Variants in SLC3A1 observed in about 807,000 individuals in gnomAD.
SLC3A1 encodes amino acid transporter heavy chain SLC3A1.
In SLC3A1, 78 loss-of-function variants were observed where a neutral mutation model predicts 60.3. That is an observed-to-expected ratio of 1.29 (90% CI 1.08 to 1.56). The LOEUF (loss-of-function observed/expected upper bound fraction) is 1.56, where lower values mean the gene tolerates loss of function less well. Ranked by LOEUF, SLC3A1 falls within the 40% of genes most tolerant of loss-of-function variation. The pLI is 0.00. For synonymous variants in SLC3A1, 392 were observed against 307.9 expected (o/e 1.27, Z -2.86); for missense variants, 1,172 against 858.9 (o/e 1.36, Z -4.56).
chr2:44,279,003 ATTT>A (rs111937406), intron 1 of SLC3A1, among the ~76,000 whole-genome samples: 2 of 145,004 alleles, frequency 1.4e-5, no homozygotes. Context: ...TATATTTATT[ATTT>A]TTTTTTTTTT....
chr2:44,312,807 T>A (rs779154966), intron 8 of SLC3A1, 54 bp downstream of exon 8: 3 of 1,505,516 alleles, frequency 2.0e-6, no homozygotes, highest in African/African-American at 1.4e-5. Flanking sequence ...AAGTATTCAT[T>A]TTTTATTTTT....
intron 1 of SLC3A1, among the ~76,000 whole-genome samples, chr2:44,279,456 T>C (rs1483986773): frequency 2.0e-5 from 3 of 152,154 alleles, no homozygotes; most frequent in Non-Finnish European, 4.4e-5. Context: ...CCCCTGGGGG[T>C]CAAGGGCCAA....
intron 7 of SLC3A1, among the ~76,000 whole-genome samples, chr2:44,309,861 G>C (rs1385248747): frequency 1.3e-5 from 2 of 152,150 alleles, no homozygotes; most frequent in South Asian, 2.1e-4. Context: ...GCCTCCCAAA[G>C]TGCTGGGATT....
intron 9 of SLC3A1, chr2:44,318,015 C>A: frequency 5.4e-6 from 2 of 369,298 alleles, no homozygotes; most frequent in Non-Finnish European, 1.1e-5. Flanking sequence ...ATGAAGTTAT[C>A]TTTTGACCTA....
At chr2:44,276,299 T>G (rs1161527779) in intron 1 of SLC3A1, among the ~76,000 whole-genome samples, 3 of 152,202 alleles carry the variant, frequency 2.0e-5, no homozygotes, top group Non-Finnish European at 4.4e-5. Context: ...TTCTGGGGAC[T>G]TTATAGTTGA....
intron 4 of SLC3A1, among the ~76,000 whole-genome samples, chr2:44,292,676 A>T (rs541966587): frequency 6.6e-6 from 1 of 152,232 alleles, no homozygotes; most frequent in East Asian, 1.9e-4. Context: ...AGCTAAGTGA[A>T]GAGGCATGGG....
At chr2:44,310,086 G>T (rs982853064) in intron 7 of SLC3A1, among the ~76,000 whole-genome samples, 8 of 152,038 alleles carry the variant, frequency 5.3e-5, no homozygotes, top group Non-Finnish European at 1.2e-4. Flanking sequence ...TGGAGATGGG[G>T]TTTTGCCATG....
Position 44,320,560 on chromosome 2 carries a change from C to G in SLC3A1, c.1979C>G (p.Thr660Arg), listed in dbSNP as rs199949010. Residue 660 changes from threonine (T) to arginine (R), a missense_variant, in exon 10 of 10, where the codon ACA (threonine) becomes AGA (arginine). Thr to Arg is a moderately conservative substitution (Grantham distance 71). Coordinates refer to ENST00000260649, the MANE Select transcript of SLC3A1 (RefSeq NM_000341.4). ...ACGAAGAATCTCCTTCATCGCCAAACAGCTTTCAGAGATAGATGCTTTGTT... is the reference window on the plus strand; with the variant it reads ...ACGAAGAATCTCCTTCATCGCCAAAGAGCTTTCAGAGATAGATGCTTTGTT... ...HNTKNLLHRQ[T>R]AFRDRCFVSN... The G allele has an allele frequency of 1.4e-5, 22 of 1,614,060 alleles. No homozygotes were observed. In the African/African-American group the frequency reaches 1.7e-4, roughly 13 times the overall value.
chr2:44,302,160 A>G (rs1423872952), intron 6 of SLC3A1, among the ~76,000 whole-genome samples: 1 of 152,200 alleles, frequency 6.6e-6, no homozygotes, highest in Non-Finnish European at 1.5e-5. Flanking sequence ...TGTTTCAGCT[A>G]AAGTATCAGG....
At chr2:44,290,066 T>C (rs1438451174) in intron 4 of SLC3A1, among the ~76,000 whole-genome samples, 2 of 152,110 alleles carry the variant, frequency 1.3e-5, no homozygotes, top group African/African-American at 4.8e-5. Context: ...CATTTTAGAT[T>C]GTCTGTGATC....
intron 1 of SLC3A1, 127 bp downstream of exon 1, chr2:44,276,092 A>C (rs141130486): frequency 1.2e-6 from 1 of 827,612 alleles, no homozygotes; most frequent in Non-Finnish European, 2.0e-6. Flanking sequence ...GGTCATGCCA[A>C]GTTGCTCCTT....
Position 44,320,848 on chromosome 2 carries a change from C to T in SLC3A1, c.*209C>T. The stretch of plus-strand genomic sequence containing the variant: ...AATTATGGCTTATAGGAGCTTATAA[C>T]TTTATTCAGATAGCATCAATCAGGG... On this transcript the variant is annotated 3_prime_UTR_variant, in exon 10 of 10. Transcript: ENST00000260649. The T allele has an allele frequency of 1.7e-6, 1 of 579,994 alleles. No individual in the cohort carries two copies. The highest frequency in any genetic ancestry group is 3.1e-6 in the Non-Finnish European group (1 of 327,178). 35.9% of individuals were successfully genotyped at this position (579,994 alleles called of 1,614,324 possible). A position where few individuals can be genotyped will look rare whatever the true frequency, so the allele number is the denominator to read the frequency against.
chr2:44,275,732 C>A lies in SLC3A1; in HGVS notation c.197C>A (p.Ala66Glu), dbSNP rs773065474. 1 of 1,614,202 alleles carries A rather than the reference C, an allele frequency of 6.2e-7. No individual in the cohort carries two copies. The highest frequency in any genetic ancestry group is 1.1e-5 in the South Asian group (1 of 91,090). ...GACTTCAAGGGCGTCCAGCCCTATGCGGGGATGCCCAAGGAGGTGCTGTTC... is the reference window on the plus strand; with the variant it reads ...GACTTCAAGGGCGTCCAGCCCTATGAGGGGATGCCCAAGGAGGTGCTGTTC... ...EPDFKGVQPY[A>E]GMPKEVLFQF... The change falls in exon 1 of 10, where the codon GCG (alanine) becomes GAG (glutamate). Residue 66 changes from alanine (A) to glutamate (E), a missense_variant. By Grantham distance (107) the Ala-to-Glu change is moderately radical (BLOSUM62 -1). Coordinates refer to ENST00000260649, the MANE Select transcript of SLC3A1 (RefSeq NM_000341.4).
At chr2:44,304,849 G>A (rs1017929284) in intron 7 of SLC3A1, among the ~76,000 whole-genome samples, 4 of 138,118 alleles carry the variant, frequency 2.9e-5, no homozygotes, top group Non-Finnish European at 4.6e-5. Context: ...TTGAGACAGG[G>A]GCTCACTCTG....
intron 4 of SLC3A1, among the ~76,000 whole-genome samples, chr2:44,286,651 A>T (rs772314330): frequency 1.8e-4 from 25 of 140,476 alleles, no homozygotes; most frequent in Non-Finnish European, 3.3e-4. Context: ...ACTGTCTGTG[A>T]CGGTGAGCTG....
At chr2:44,316,339 T>C (rs992273762) in intron 9 of SLC3A1, 2 of 152,092 alleles carry the variant, frequency 1.3e-5, no homozygotes, top group Admixed American at 1.3e-4. Flanking sequence ...CAAGAAGTGA[T>C]TAGATCTCTC....
At chr2:44,315,492 C>G (rs1245640348) in intron 9 of SLC3A1, among the ~76,000 whole-genome samples, 1 of 106,282 alleles carries the variant, frequency 9.4e-6, no homozygotes, top group African/African-American at 4.0e-5. Context: ...CTACCTTCCC[C>G]CTACCCCCGC....
At chr2:44,295,120 G>A (rs1316790843) in intron 4 of SLC3A1, among the ~76,000 whole-genome samples, 2 of 152,086 alleles carry the variant, frequency 1.3e-5, no homozygotes, top group Admixed American at 1.3e-4. Flanking sequence ...AGGTAAACGG[G>A]CCCCCAAATG....
chr2:44,290,565 G>A (rs141924195), intron 4 of SLC3A1, among the ~76,000 whole-genome samples: 21 of 152,180 alleles, frequency 1.4e-4, no homozygotes, highest in Non-Finnish European at 2.9e-4. Context: ...AACATGAGAT[G>A]TCTTTCCATT....
Sources: allele counts gnomAD v4.1 joint callset (sites outside exome capture counted in the v4.1 genomes callset), GRCh38; gene constraint gnomAD v4.1.1; transcripts MANE v1.5; gene names NCBI Gene and HGNC (gene_info 2026-07-23, HGNC 2026-07-21).